NCAM2: variants seen among roughly 807,000 people sequenced by gnomAD.
NCAM2 encodes the protein neural cell adhesion molecule 2.
NCAM2 carries 30 observed loss-of-function variants against 98.1 expected under a neutral mutation model. The observed-to-expected ratio is 0.31, with a 90% CI of 0.23 to 0.41. The LOEUF is 0.41. Ranked by LOEUF, NCAM2 falls within the 10% of genes least tolerant of loss-of-function variation. The pLI is 1.00. For missense variants in NCAM2, 867 were observed against 1,005.8 expected (o/e 0.86, Z 1.87); for synonymous variants, 368 against 342.4 (o/e 1.07, Z -0.83).
chr21:21,343,354 C>CACACACAG (rs2075098817), intron 8 of NCAM2, among the ~76,000 whole-genome samples: 1 of 131,554 alleles, frequency 7.6e-6, no homozygotes. Context: ...ACTATCTATA[C>CACACACAG]ACATACACAC....
At chr21:21,065,179 CA>C (rs926937059) in intron 1 of NCAM2, among the ~76,000 whole-genome samples, 2 of 150,356 alleles carry the variant, frequency 1.3e-5, no homozygotes, top group South Asian at 2.1e-4. Flanking sequence ...GACTCTCTCT[CA>C]AAAAAAACAA....
chr21:21,112,363 G>A (rs1341225030), intron 1 of NCAM2, among the ~76,000 whole-genome samples: 3 of 152,168 alleles, frequency 2.0e-5, no homozygotes, highest in East Asian at 3.9e-4. Context: ...CAGAGAAGCA[G>A]TGTGAAAAAA....
chr21:21,311,789 A>C (rs2074062855), intron 5 of NCAM2, among the ~76,000 whole-genome samples: 1 of 152,108 alleles, frequency 6.6e-6, no homozygotes, highest in African/African-American at 2.4e-5. Context: ...TTTTTAAAAA[A>C]AATTTTGGTT....
chr21:21,031,470 T>C (rs7509722), intron 1 of NCAM2, among the ~76,000 whole-genome samples: 109,967 of 152,054 alleles, frequency 0.72, 40,078 homozygotes, highest in Admixed American at 0.79. Flanking sequence ...AAATCTAAGA[T>C]AGAGATTAGT....
chr21:21,110,510 A>T (rs1334610534), intron 1 of NCAM2, among the ~76,000 whole-genome samples: 1 of 151,812 alleles, frequency 6.6e-6, no homozygotes, highest in Admixed American at 6.6e-5. Context: ...ATATAAAGAT[A>T]CAATTTCCTC....
intron 15 of NCAM2, among the ~76,000 whole-genome samples, chr21:21,484,743 G>A (rs1047252930): frequency 2.6e-5 from 4 of 152,034 alleles, no homozygotes; most frequent in Non-Finnish European, 1.5e-5. Context: ...CCTTTTAAGT[G>A]GATAATTTGT....
At chr21:21,341,593 C>A (rs1406460969) in intron 8 of NCAM2, among the ~76,000 whole-genome samples, 2 of 151,976 alleles carry the variant, frequency 1.3e-5, no homozygotes, top group African/African-American at 4.8e-5. Flanking sequence ...AGTGAAATAT[C>A]ATAAATGTCG....
At chr21:21,135,964 TG>T (rs2067041739) in intron 1 of NCAM2, among the ~76,000 whole-genome samples, 1 of 152,330 alleles carries the variant, frequency 6.6e-6, no homozygotes, top group African/African-American at 2.4e-5. Flanking sequence ...TGACATCATT[TG>T]ACTTCTAGTT....
rs1293482348 is a variant in NCAM2 at position 21,541,123 on chromosome 21, A to G, written c.*3166A>G. ...TTATATAAATAGATTTTATTAATCAAATTATTTATTTGTGTGCCAACAATT... is the reference window on the plus strand; with the variant it reads ...TTATATAAATAGATTTTATTAATCAGATTATTTATTTGTGTGCCAACAATT... On this transcript the variant is annotated 3_prime_UTR_variant, in exon 18 of 18. Transcript: ENST00000400546. 1 of 148,928 alleles carries G rather than the reference A, an allele frequency of 6.7e-6. No individual in the cohort carries two copies. The highest frequency in any genetic ancestry group is 1.5e-5 in the Non-Finnish European group (1 of 66,364). The allele number at this position is 148,928 out of a possible 1,614,324, so 9.2% of individuals were successfully genotyped here.
intron 16 of NCAM2, among the ~76,000 whole-genome samples, chr21:21,526,524 A>G (rs1989332819): frequency 6.6e-6 from 1 of 152,070 alleles, no homozygotes; most frequent in Admixed American, 6.6e-5. Context: ...GGATAGAAAG[A>G]CTCAATATGG....
chr21:21,412,751 G>A (rs1296580776), intron 10 of NCAM2, among the ~76,000 whole-genome samples: 2 of 151,826 alleles, frequency 1.3e-5, no homozygotes, highest in Non-Finnish European at 2.9e-5. Context: ...TTTAAATTCT[G>A]AATGAAAAAT....
At chr21:21,112,845 A>G (rs1045347710) in intron 1 of NCAM2, among the ~76,000 whole-genome samples, 1 of 152,154 alleles carries the variant, frequency 6.6e-6, no homozygotes, top group Non-Finnish European at 1.5e-5. Context: ...ATTATAGTAA[A>G]AGCATATCTT....
Position 21,324,477 on chromosome 21 carries a change from A to G in NCAM2, c.714A>G (p.Pro238=), listed in dbSNP as rs2074459629. ...TTTCCTGCAGGGCCTCAGGCTCTCCAGAACCCGCCATCTCCTGGTTCAGGT... is the reference window on the plus strand; with the variant it reads ...TTTCCTGCAGGGCCTCAGGCTCTCCGGAACCCGCCATCTCCTGGTTCAGGT... The part of the protein sequence containing the change: ...MTFSCRASGS[P]EPAISWFRNG... The change falls in exon 6 of 18, where the codon CCA becomes CCG. Residue 238 remains proline, a synonymous_variant. Transcript: ENST00000400546. The G allele has an allele frequency of 6.2e-7, 1 of 1,612,526 alleles. No individual in the cohort carries two copies. Among genetic ancestry groups the G allele is most frequent in the Non-Finnish European group, 8.5e-7 (1 of 1,178,684 alleles).
chr21:21,424,088 A>C (rs897677329), intron 11 of NCAM2, among the ~76,000 whole-genome samples: 1 of 152,206 alleles, frequency 6.6e-6, no homozygotes, highest in Non-Finnish European at 1.5e-5. Flanking sequence ...TAACATAATC[A>C]GTTTTATGAT....
At chr21:21,427,625 T>A (rs1198570466) in intron 11 of NCAM2, among the ~76,000 whole-genome samples, 2 of 152,064 alleles carry the variant, frequency 1.3e-5, no homozygotes, top group African/African-American at 4.8e-5. Flanking sequence ...GATTAAAAAG[T>A]TTCAGTTATG....
At chr21:21,305,646 T>A (rs531765141) in intron 5 of NCAM2, among the ~76,000 whole-genome samples, 1 of 152,218 alleles carries the variant, frequency 6.6e-6, no homozygotes, top group South Asian at 2.1e-4. Context: ...TCCTTTCTGA[T>A]CAGACTGGAT....
chr21:21,116,529 G>C (rs1308555874), intron 1 of NCAM2, among the ~76,000 whole-genome samples: 1 of 152,112 alleles, frequency 6.6e-6, no homozygotes, highest in East Asian at 1.9e-4. Context: ...ACACCTGCTT[G>C]GTCCATTTAG....
intron 8 of NCAM2, among the ~76,000 whole-genome samples, chr21:21,339,741 A>G (rs113590144): frequency 0.014 from 2,160 of 152,012 alleles, 46 homozygotes; most frequent in African/African-American, 0.05. Context: ...CCATCATGTT[A>G]TATTTAACAA....
chr21:21,000,097 A>G (rs1164102183), intron 1 of NCAM2, among the ~76,000 whole-genome samples: 2 of 152,234 alleles, frequency 1.3e-5, no homozygotes, highest in Non-Finnish European at 2.9e-5. Context: ...TACTAGCCCA[A>G]TTCGTTAATT....
Sources: gnomAD v4.1 joint callset for allele counts (sites outside exome capture counted in the v4.1 genomes callset) on GRCh38, gnomAD v4.1.1 for gene constraint, MANE v1.5 for transcripts, NCBI Gene and HGNC (gene_info 2026-07-23, HGNC 2026-07-21) for gene names.